The following ROBO1 variants were observed in gnomAD, a reference collection of about 807,000 sequenced individuals.
ROBO1 encodes the protein roundabout homolog 1.
ROBO1 carries 149 observed loss-of-function variants against 195.9 expected under a neutral mutation model. The ratio of observed to expected loss-of-function variants is 0.76; its 90% CI spans 0.67 to 0.87. The LOEUF is 0.87. ROBO1 is among the 40% of genes least tolerant of loss of function. The pLI is 0.00. For synonymous variants in ROBO1, 816 were observed against 733.2 expected (o/e 1.11, Z -1.82); for missense variants, 1,933 against 2,068.3 (o/e 0.93, Z 1.27).
intron 3 of ROBO1, among the ~76,000 whole-genome samples, chr3:79,059,092 A>T (rs368284132): frequency 6.6e-6 from 1 of 152,118 alleles, no homozygotes; most frequent in East Asian, 1.9e-4. Flanking sequence ...GTGAGTCTCG[A>T]ATATTGCATG....
At chr3:79,676,082 T>C (rs944012771) in intron 1 of ROBO1, among the ~76,000 whole-genome samples, 1 of 152,038 alleles carries the variant, frequency 6.6e-6, no homozygotes, top group Non-Finnish European at 1.5e-5. Flanking sequence ...GTGGTGGTTT[T>C]ACGGAGCCTT....
chr3:79,078,498 C>T (rs927622425), intron 3 of ROBO1, among the ~76,000 whole-genome samples: 1 of 151,680 alleles, frequency 6.6e-6, no homozygotes, highest in African/African-American at 2.4e-5. Flanking sequence ...ACAAAAGCTC[C>T]AGAATTGCAT....
intron 2 of ROBO1, among the ~76,000 whole-genome samples, chr3:79,468,023 C>A (rs1938064100): frequency 6.6e-6 from 1 of 152,192 alleles, no homozygotes; most frequent in African/African-American, 2.4e-5. Flanking sequence ...TAATATACCG[C>A]CTACTGTGCT....
chr3:79,178,989 G>C (rs2081299510), intron 2 of ROBO1, among the ~76,000 whole-genome samples: 1 of 152,060 alleles, frequency 6.6e-6, no homozygotes, highest in Non-Finnish European at 1.5e-5. Context: ...TTTACAAATT[G>C]CACAGACTAA....
chr3:79,018,623 G>A, intron 3 of ROBO1: 1 of 1,453,236 alleles, frequency 6.9e-7, no homozygotes, highest in Admixed American at 2.4e-5. Context: ...GACCTTTCCG[G>A]ACGCTTGTCA....
intron 1 of ROBO1, among the ~76,000 whole-genome samples, chr3:79,710,756 G>C (rs138526186): frequency 0.014 from 2,140 of 152,242 alleles, 31 homozygotes; most frequent in African/African-American, 0.035. Context: ...ATAAAATTTG[G>C]TTGGCGTGTT....
chr3:79,383,275 T>C (rs1439533405), intron 2 of ROBO1, among the ~76,000 whole-genome samples: 1 of 152,144 alleles, frequency 6.6e-6, no homozygotes. Flanking sequence ...TAGGGAGCTG[T>C]AAGTATTCTT....
chr3:79,081,084 C>T (rs2079265097), intron 3 of ROBO1, among the ~76,000 whole-genome samples: 1 of 151,954 alleles, frequency 6.6e-6, no homozygotes. Context: ...TGTGCCCAAA[C>T]GCTTTGCCTG....
At chr3:78,823,166 CATAATT>C (rs2031188581) in intron 4 of ROBO1, among the ~76,000 whole-genome samples, 1 of 146,366 alleles carries the variant, frequency 6.8e-6, no homozygotes, top group South Asian at 2.2e-4. Flanking sequence ...ACTTTTAAAA[CATAATT>C]ATAATGATTT....
chr3:79,433,277 G>A (rs923124686), intron 2 of ROBO1, among the ~76,000 whole-genome samples: 3 of 152,168 alleles, frequency 2.0e-5, no homozygotes, highest in African/African-American at 7.2e-5. Flanking sequence ...AGAACATGCG[G>A]TATTTGGTTT....
chr3:78,618,160 G>T, intron 26 of ROBO1, 119 bp from the exon 27 acceptor site: 2 of 1,090,380 alleles, frequency 1.8e-6, no homozygotes, highest in Non-Finnish European at 1.3e-6. Context: ...GAGCTCATAT[G>T]TTCAGAAAAA....
At chr3:79,232,653 A>T (rs1310859964) in intron 2 of ROBO1, among the ~76,000 whole-genome samples, 2 of 152,122 alleles carry the variant, frequency 1.3e-5, no homozygotes, top group Non-Finnish European at 2.9e-5. Flanking sequence ...CAAATGAAAG[A>T]TTATTCAACT....
intron 3 of ROBO1, among the ~76,000 whole-genome samples, chr3:79,044,513 A>G (rs2078553016): frequency 6.6e-6 from 1 of 152,164 alleles, no homozygotes; most frequent in Non-Finnish European, 1.5e-5. Flanking sequence ...AAAAATACTT[A>G]TAATTTGCTT....
chr3:78,965,721 A>C (rs2076627955), intron 3 of ROBO1, among the ~76,000 whole-genome samples: 4 of 152,224 alleles, frequency 2.6e-5, no homozygotes, highest in Admixed American at 2.6e-4. Context: ...ATAAAACAGT[A>C]GTATTTAATA....
At chr3:79,719,966 T>C (rs1281007592) in intron 1 of ROBO1, among the ~76,000 whole-genome samples, 1 of 152,196 alleles carries the variant, frequency 6.6e-6, no homozygotes, top group East Asian at 1.9e-4. Flanking sequence ...CTAGAGACTT[T>C]TCTCAGAATA....
chr3:79,294,498 A>C (rs2032466281), intron 2 of ROBO1, among the ~76,000 whole-genome samples: 1 of 152,232 alleles, frequency 6.6e-6, no homozygotes, highest in Non-Finnish European at 1.5e-5. Flanking sequence ...TAAAAATCTT[A>C]GAAGAAAATC....
intron 2 of ROBO1, among the ~76,000 whole-genome samples, chr3:79,221,542 C>T (rs2082139493): frequency 6.6e-6 from 1 of 152,014 alleles, no homozygotes; most frequent in South Asian, 2.1e-4. Context: ...CTTCATGGAT[C>T]CTACCTCAAG....
intron 2 of ROBO1, among the ~76,000 whole-genome samples, chr3:79,502,287 C>T (rs2107504718): frequency 6.6e-6 from 1 of 152,222 alleles, no homozygotes; most frequent in African/African-American, 2.4e-5. Flanking sequence ...CGGGGCTGCG[C>T]GCGGCGCTTG....
intron 2 of ROBO1, among the ~76,000 whole-genome samples, chr3:79,310,648 T>C (rs1047148619): frequency 2.6e-4 from 39 of 152,278 alleles, no homozygotes; most frequent in African/African-American, 8.7e-4. Flanking sequence ...CCCAAAGAAA[T>C]GATAGATGTT....
Sources: gnomAD v4.1 joint callset for allele counts (sites outside exome capture counted in the v4.1 genomes callset) on GRCh38, gnomAD v4.1.1 for gene constraint, MANE v1.5 for transcripts, NCBI Gene and HGNC (gene_info 2026-07-23, HGNC 2026-07-21) for gene names.